Variants in ZNF436 observed in about 807,000 individuals in gnomAD.
ZNF436 encodes the protein DNA-binding protein.
In ZNF436, 22 loss-of-function variants were observed where a neutral mutation model predicts 41.9. The observed-to-expected ratio is 0.53, with a 90% CI of 0.38 to 0.75. ZNF436 has a LOEUF of 0.75. Ranked by LOEUF, ZNF436 falls within the 30% of genes least tolerant of loss-of-function variation. The probability of loss-of-function intolerance (pLI) is 0.00; values close to 1 mark genes in which losing one functional copy is unlikely to be tolerated. For missense variants in ZNF436, 506 were observed against 587.3 expected, an observed-to-expected ratio of 0.86 and a Z score of 1.43; for synonymous variants, 217 against 197.8, an observed-to-expected ratio of 1.10 and a Z score of -0.82.
At chr1:23,368,672 A>T (rs770418996) in intron 1 of ZNF436, among the ~76,000 whole-genome samples, 2 of 152,232 alleles carry the variant, frequency 1.3e-5, no homozygotes, top group Non-Finnish European at 2.9e-5. Flanking sequence ...ATTAAGCTAG[A>T]GGCTGCCCTG....
At chr1:23,366,958 C>A (rs1412855699) in intron 3 of ZNF436, 84 bp downstream of exon 3, 3 of 1,490,816 alleles carry the variant, frequency 2.0e-6, no homozygotes, top group Non-Finnish European at 2.7e-6. Context: ...AAAAATCAAA[C>A]CACTAGGCTG....
Position 23,368,030 on chromosome 1 carries a change from G to C in ZNF436, c.-25C>G. ...TCTCGAGCACAAGGGTTCGCCTCCA[G>C]GGAGAGAGAGCAGGAAAAGCAGCTA... On this transcript the variant is annotated 5_prime_UTR_variant, in exon 2 of 4. Coordinates refer to ENST00000314011, the MANE Select transcript of ZNF436 (RefSeq NM_001077195.2). 6.2e-7 allele frequency: 1 copy of C among 1,613,976 alleles called. No homozygotes were observed. The highest frequency in any genetic ancestry group is 8.5e-7 in the Non-Finnish European group (1 of 1,179,950).
intron 1 of ZNF436, among the ~76,000 whole-genome samples, chr1:23,368,691 C>T (rs1176389675): frequency 2.0e-5 from 3 of 152,272 alleles, no homozygotes; most frequent in Non-Finnish European, 4.4e-5. Flanking sequence ...TGCTTCGCCT[C>T]ACGTCCCTAG....
Position 23,361,549 on chromosome 1 carries a change from A to G in ZNF436, c.*420T>C, listed in dbSNP as rs1638225218. On this transcript the variant is annotated 3_prime_UTR_variant, in exon 4 of 4. Transcript: ENST00000314011. ...GGTGTGTGAATAGGTGTGGCAATTT[A>G]GGCAGAGTCTCTAGTTGCCTTTTTC... The G allele has an allele frequency of 6.2e-6, 1 of 161,232 alleles. No homozygotes were observed. The highest frequency in any genetic ancestry group is 1.4e-5 in the Non-Finnish European group (1 of 73,070). The allele number at this position is 161,232 out of a possible 1,614,324, so 10.0% of individuals were successfully genotyped here.
At chr1:23,368,156 A>AG (rs1638404625) in intron 1 of ZNF436, 91 bp from the exon 2 acceptor site, 1 of 848,378 alleles carries the variant, frequency 1.2e-6, no homozygotes, top group African/African-American at 1.7e-5. Context: ...GCGGGCAGGG[A>AG]GGGCCCTGGA....
intron 3 of ZNF436, among the ~76,000 whole-genome samples, chr1:23,364,450 C>T (rs770275472): frequency 2.6e-5 from 4 of 152,230 alleles, no homozygotes; most frequent in Non-Finnish European, 5.9e-5. Context: ...GTTGGCCAGG[C>T]GGGTCTTGAA....
At position 23,362,276 on chromosome 1, in the gene ZNF436, T is replaced by C. The variant is rs533370931; in HGVS notation, c.1106A>G (p.Lys369Arg). 11 of 1,614,182 alleles carry C rather than the reference T, an allele frequency of 6.8e-6. No homozygotes were observed. The highest frequency in any genetic ancestry group is 6.7e-5 in the East Asian group (3 of 44,878). Residue 369 changes from lysine to arginine, a missense_variant, in exon 4 of 4, where the codon AAA (lysine) becomes AGA (arginine). Around this residue, in one of 2 missense-constraint regions of ZNF436, gnomAD observed 278 missense variants for 372.1 expected, o/e 0.75. Coordinates refer to ENST00000314011, the MANE Select transcript of ZNF436 (RefSeq NM_001077195.2). ...EKPYECNACG[K>R]SFSRSSHLIT... Reference sequence around the variant, plus strand: ...GAGATGAGAGCTCCGGCTGAAGCTTTTCCCACAAGCATTGCATTCATATGG... The same window carrying C: ...GAGATGAGAGCTCCGGCTGAAGCTTCTCCCACAAGCATTGCATTCATATGG...
rs750405372 is a variant in ZNF436, at chr1:23,362,637, G to A, written c.745C>T (p.Pro249Ser). The change falls in exon 4 of 4, where the codon CCC (proline) becomes TCC (serine). Residue 249 changes from proline (P) to serine (S), a missense_variant. Transcript: ENST00000314011. ...TTCCCACACTCCTCACACTCATAGG[G>A]TTTCTCACCACTGTGGGTCCTTTGG... ...QHQRTHSGEK[P>S]YECEECGKSF... 2.5e-6 allele frequency: 4 copies of A among 1,614,082 alleles called. No homozygotes were observed. The highest frequency in any genetic ancestry group is 3.4e-6 in the Non-Finnish European group (4 of 1,180,044).
At position 23,367,044 on chromosome 1, in the gene ZNF436, A is replaced by T. The variant is rs1397094538; in HGVS notation, c.158T>A (p.Leu53Gln). 4.3e-6 allele frequency: 7 copies of T among 1,613,062 alleles called. No individual in the cohort carries two copies. Among genetic ancestry groups the T allele is most frequent in the Non-Finnish European group, 5.9e-6 (7 of 1,179,618 alleles). Residue 53 changes from leucine to glutamine, a missense_variant and splice_region_variant, in exon 3 of 4, where the codon CTA becomes CAA. Transcript: ENST00000314011. ...MQENYGNVVS[L>Q]DFEIRSENEV... Reference sequence around the variant, plus strand: ...AGAAAGGTAGAATCCTTACTTACCTAGTGAGACAACATTTCCATAATTCTC... The same window carrying T: ...AGAAAGGTAGAATCCTTACTTACCTTGTGAGACAACATTTCCATAATTCTC...
rs529788684 is a variant in ZNF436 at position 23,369,490 on chromosome 1, G to A, written c.-185C>T. ...GGAAGATTCTAGAGAGCACGGGCAG[G>A]TCCCGGAGGTCTCAGACCCGCAGGT... On this transcript the variant is annotated 5_prime_UTR_variant, in exon 1 of 4. Transcript: ENST00000314011. 3 of 531,710 alleles carry A rather than the reference G, an allele frequency of 5.6e-6. No homozygotes were observed. The allele number at this position is 531,710 out of a possible 1,614,324, so 32.9% of individuals were successfully genotyped here.
In ZNF436 at chr1:23,363,912, T is replaced by C. The variant is rs538936688; in HGVS notation, c.161-691A>G. Reference sequence around the variant, plus strand: ...AAAAAATTAGGTGGATGTGGTGGCATGCAACTGTAGTCCCAGCTACTCAGG... The same window carrying C: ...AAAAAATTAGGTGGATGTGGTGGCACGCAACTGTAGTCCCAGCTACTCAGG... On this transcript the variant is annotated intron_variant, in intron 3 of 3. Coordinates refer to ENST00000314011, the MANE Select transcript of ZNF436 (RefSeq NM_001077195.2). Among the ~76,000 whole-genome samples, 8 of 152,234 alleles carry C rather than the reference T, an allele frequency of 5.3e-5. No homozygotes were observed. In the East Asian group the frequency reaches 1.4e-3, roughly 26 times the overall value.
Position 23,362,980 on chromosome 1 carries a change from G to A in ZNF436, c.402C>T (p.Gly134=), listed in dbSNP as rs753990232. 6.2e-7 allele frequency: 1 copy of A among 1,614,162 alleles called. No individual in the cohort carries two copies. The highest frequency in any genetic ancestry group is 1.3e-5 in the African/African-American group (1 of 75,040). The stretch of plus-strand genomic sequence containing the variant: ...AATGAGAACATATATGATAGCGGAT[G>A]CCTGTGTGGACTTCTTTGTGGACAA... ...DLLVHKEVHT[G]IRYHICSHCG... is the part of the protein sequence containing the mutation. Residue 134 remains glycine, a synonymous_variant, in exon 4 of 4, where the codon GGC becomes GGT. Transcript: ENST00000314011.
intron 3 of ZNF436, among the ~76,000 whole-genome samples, chr1:23,364,669 A>G (rs1383707456): frequency 6.6e-6 from 1 of 152,244 alleles, no homozygotes; most frequent in Non-Finnish European, 1.5e-5. Flanking sequence ...AAAGTTGAAG[A>G]AGGCAAAAAA....
In ZNF436 at chr1:23,364,708, T is replaced by G. The variant is rs114087420; in HGVS notation, c.161-1487A>C. On this transcript the variant is annotated intron_variant, in intron 3 of 3. Transcript: ENST00000314011. Reference sequence around the variant, plus strand: ...GTCTGGCTGAGAACATTCTTGGCATTGTCTAAGTATATTTCACATGCAGTC... The same window carrying G: ...GTCTGGCTGAGAACATTCTTGGCATGGTCTAAGTATATTTCACATGCAGTC... 6.0e-3 allele frequency among the ~76,000 whole-genome samples: 907 copies of G among 152,304 alleles called. 8 individuals carry two copies. The highest frequency in any genetic ancestry group is 0.02 in the African/African-American group (822 of 41,564).
intron 2 of ZNF436, among the ~76,000 whole-genome samples, chr1:23,367,670 G>T (rs1638391958): frequency 6.6e-6 from 1 of 152,160 alleles, no homozygotes; most frequent in Non-Finnish European, 1.5e-5. Flanking sequence ...CACTTACTAC[G>T]TTGTGCCACG....
At position 23,363,190 on chromosome 1, in the gene ZNF436, A is replaced by T; in HGVS notation, c.192T>A (p.Asn64Lys). The T allele has an allele frequency of 6.2e-7, 1 of 1,613,418 alleles. No homozygotes were observed. The highest frequency in any genetic ancestry group is 8.5e-7 in the Non-Finnish European group (1 of 1,179,928). ...CATCTTCACTAATCTCTTGCTTGGG[A>T]TTTACCTCGTTCTCACTCCTGATCT... ...DFEIRSENEVNPKQEISEDVQ... is the reference protein window; with the variant it reads ...DFEIRSENEVKPKQEISEDVQ... The change falls in exon 4 of 4, where the codon AAT (asparagine) becomes AAA (lysine). Residue 64 changes from asparagine to lysine, a missense_variant. Coordinates refer to ENST00000314011, the MANE Select transcript of ZNF436 (RefSeq NM_001077195.2).
rs764795839 is a variant in ZNF436, at chr1:23,362,629, C to G, written c.753G>C (p.Glu251Asp). 1.2e-6 allele frequency: 2 copies of G among 1,614,176 alleles called. No homozygotes were observed. The highest frequency in any genetic ancestry group is 1.1e-5 in the South Asian group (1 of 91,086). The change falls in exon 4 of 4, where the codon GAG becomes GAC. Residue 251 changes from glutamate (E) to aspartate (D), a missense_variant. By Grantham distance (45) the Glu-to-Asp change is conservative. Around this residue, in one of 2 missense-constraint regions of ZNF436, gnomAD observed 278 missense variants for 372.1 expected, o/e 0.75. Coordinates refer to ENST00000314011, the MANE Select transcript of ZNF436 (RefSeq NM_001077195.2). ...QRTHSGEKPYECEECGKSFSR... is the reference protein window; with the variant it reads ...QRTHSGEKPYDCEECGKSFSR... The stretch of plus-strand genomic sequence containing the variant: ...TGAAGCTTTTCCCACACTCCTCACA[C>G]TCATAGGGTTTCTCACCACTGTGGG...
In ZNF436 at chr1:23,362,453, T is replaced by C; in HGVS notation, c.929A>G (p.Glu310Gly). ...HTGERPYKCD[E>G]CGKNFSQNSD... ...GTTCTGACTGAAATTCTTCCCACACTCATCACACTTGTAGGGCCTCTCCCC... is the reference window on the plus strand; with the variant it reads ...GTTCTGACTGAAATTCTTCCCACACCCATCACACTTGTAGGGCCTCTCCCC... Residue 310 changes from glutamate to glycine, a missense_variant, in exon 4 of 4, where the codon GAG becomes GGG. Transcript: ENST00000314011. 1.2e-6 allele frequency: 2 copies of C among 1,614,010 alleles called. No individual in the cohort carries two copies. The highest frequency in any genetic ancestry group is 1.7e-6 in the Non-Finnish European group (2 of 1,179,868).
At chr1:23,367,405 T>G (rs1638382841) in intron 2 of ZNF436, among the ~76,000 whole-genome samples, 1 of 152,236 alleles carries the variant, frequency 6.6e-6, no homozygotes, top group African/African-American at 2.4e-5. Flanking sequence ...TGGCTGTGAC[T>G]TTCTCAGGAC....
Sources: gnomAD v4.1 joint callset for allele counts (sites outside exome capture counted in the v4.1 genomes callset) on GRCh38, gnomAD v4.1.1 for gene constraint, gnomAD v4.1.1 regional missense constraint, MANE v1.5 for transcripts, NCBI Gene and HGNC (gene_info 2026-07-23, HGNC 2026-07-21) for gene names.